Variants in SNX14 observed in about 807,000 individuals in gnomAD.
The protein encoded by SNX14 is sorting nexin 14.
In SNX14, 93 loss-of-function variants were observed where a neutral mutation model predicts 133.8. The observed-to-expected ratio is 0.70, with a 90% CI of 0.59 to 0.83. The LOEUF (loss-of-function observed/expected upper bound fraction) is 0.83. Among genes scored for constraint, SNX14 ranks in the 40% least tolerant of loss-of-function variants. The probability of loss-of-function intolerance (pLI) is 0.00; values close to 1 mark genes in which losing one functional copy is unlikely to be tolerated. For missense variants in SNX14, 945 were observed against 1,094.9 expected, an observed-to-expected ratio of 0.86 and a Z score of 1.93; for synonymous variants, 368 against 365.6, an observed-to-expected ratio of 1.01 and a Z score of -0.07.
At chr6:85,543,064 A>G (rs1374820968) in intron 14 of SNX14, 118 bp downstream of exon 14, 3 of 1,045,322 alleles carry the variant, frequency 2.9e-6, no homozygotes, top group South Asian at 2.5e-5. Flanking sequence ...AACTGTGCCC[A>G]GTAATCTTGT....
intron 19 of SNX14, among the ~76,000 whole-genome samples, chr6:85,528,722 A>G (rs1420243570): frequency 6.6e-6 from 1 of 152,196 alleles, no homozygotes; most frequent in Non-Finnish European, 1.5e-5. Context: ...TCTCACAGGG[A>G]AAAAAGATAG....
chr6:85,537,147 G>A (rs1782225478), intron 16 of SNX14: 4 of 358,992 alleles, frequency 1.1e-5, no homozygotes, highest in South Asian at 1.7e-4. Context: ...TGAATAAATG[G>A]GACAATATTT....
At chr6:85,508,385 GAAAAC>G (rs1184152925) in intron 26 of SNX14, 3 of 1,006,762 alleles carry the variant, frequency 3.0e-6, no homozygotes, top group Non-Finnish European at 3.6e-6. Context: ...CCCACTAAGG[GAAAAC>G]AAAACAAATT....
chr6:85,507,151 T>C (rs1770988781), intron 28 of SNX14, 82 bp downstream of exon 28: 6 of 1,239,428 alleles, frequency 4.8e-6, no homozygotes, highest in Non-Finnish European at 5.8e-6. Flanking sequence ...ACAAGGGTTT[T>C]CTTACATTTA....
intron 7 of SNX14, among the ~76,000 whole-genome samples, chr6:85,553,509 C>A (rs1285414058): frequency 3.9e-5 from 6 of 152,044 alleles, no homozygotes; most frequent in Admixed American, 3.3e-4. Context: ...TCAGGCCAGG[C>A]GCCCGTGGCT....
intron 1 of SNX14, among the ~76,000 whole-genome samples, chr6:85,580,939 G>A (rs1423093493): frequency 6.6e-6 from 1 of 152,144 alleles, no homozygotes; most frequent in East Asian, 1.9e-4. Context: ...CACCCTGAAG[G>A]GAAGGACACA....
chr6:85,583,644 A>G (rs1161249202), intron 1 of SNX14, among the ~76,000 whole-genome samples: 1 of 152,224 alleles, frequency 6.6e-6, no homozygotes, highest in African/African-American at 2.4e-5. Flanking sequence ...ACTCCCATTC[A>G]CAACTGCTAC....
chr6:85,552,592 A>T (rs1409598029), intron 7 of SNX14, among the ~76,000 whole-genome samples: 1 of 152,202 alleles, frequency 6.6e-6, no homozygotes, highest in Admixed American at 6.5e-5. Flanking sequence ...AGAAAATAAT[A>T]ACATAAACAA....
intron 4 of SNX14, chr6:85,568,110 C>T: frequency 6.6e-6 from 1 of 151,976 alleles, no homozygotes; most frequent in Non-Finnish European, 1.5e-5. Context: ...ATAAAAATTC[C>T]ACAAATAGAA....
chr6:85,581,626 T>C (rs572861916), intron 1 of SNX14: 2 of 152,298 alleles, frequency 1.3e-5, no homozygotes, highest in South Asian at 4.1e-4. Flanking sequence ...TAAAGAATCC[T>C]ATCAGATAAA....
chr6:85,549,869 T>C lies in SNX14; in HGVS notation c.645A>G (p.Thr215=), dbSNP rs150079470. The C allele has an allele frequency of 1.2e-6, 2 of 1,603,536 alleles. No individual in the cohort carries two copies. The highest frequency in any genetic ancestry group is 1.1e-5 in the South Asian group (1 of 88,714). The part of the protein sequence containing the change: ...IVKARQKVKN[T]EFLQQAALEE... ...CTAAAGCAGCTTGCTGTAAAAACTC[T>C]GTATTTTTTACTATAGAGATTAAAG... The change falls in exon 8 of 29, where the codon ACA becomes ACG. Residue 215 remains threonine, a synonymous_variant. Transcript: ENST00000314673.
intron 26 of SNX14, among the ~76,000 whole-genome samples, chr6:85,513,248 A>T (rs1295659278): frequency 6.6e-6 from 1 of 152,046 alleles, no homozygotes; most frequent in Non-Finnish European, 1.5e-5. Flanking sequence ...AGTGGCCCAA[A>T]CCTACCAACT....
At chr6:85,534,413 C>T (rs529667827) in intron 17 of SNX14, among the ~76,000 whole-genome samples, 13 of 152,226 alleles carry the variant, frequency 8.5e-5, no homozygotes, top group African/African-American at 1.2e-4. Context: ...CAAGGTCCCA[C>T]GGCTTAGAAC....
chr6:85,552,921 C>T (rs551117941), intron 7 of SNX14, among the ~76,000 whole-genome samples: 97 of 152,326 alleles, frequency 6.4e-4, no homozygotes, highest in Non-Finnish European at 1.0e-3. Flanking sequence ...TCTTTGAATC[C>T]ACCTGTCACT....
At chr6:85,550,416 C>T (rs1031436155) in intron 7 of SNX14, among the ~76,000 whole-genome samples, 1 of 152,206 alleles carries the variant, frequency 6.6e-6, no homozygotes, top group Non-Finnish European at 1.5e-5. Context: ...ACTTCTAGCA[C>T]ACATAAGGCT....
At chr6:85,573,031 C>T (rs921862371) in intron 2 of SNX14, among the ~76,000 whole-genome samples, 1 of 152,168 alleles carries the variant, frequency 6.6e-6, no homozygotes, top group Non-Finnish European at 1.5e-5. Flanking sequence ...TCTCTTTCTC[C>T]AAAATCTTGA....
rs1312336872 is a variant in SNX14 at position 85,593,773 on chromosome 6, AC to A, written c.-56del. On this transcript the variant is annotated 5_prime_UTR_variant, in exon 1 of 29. The change abolishes the stop of an existing upstream ORF in the 5' untranslated region. Transcript: ENST00000314673. ...ACTGGCTGAGGCAGAGGTCAAGGCG[AC>A]CCCCCATCCACACCTCGCGTCCCCG... The A allele has an allele frequency of 1.6e-5, 24 of 1,513,588 alleles. No homozygotes were observed. The South Asian group carries it at 2.3e-4, about 15-fold the overall frequency. 93.8% of individuals were successfully genotyped at this position (1,513,588 alleles called of 1,614,324 possible).
chr6:85,553,286 T>G (rs545023991), intron 7 of SNX14, among the ~76,000 whole-genome samples: 1 of 152,148 alleles, frequency 6.6e-6, no homozygotes, highest in African/African-American at 2.4e-5. Context: ...AAGAACATAG[T>G]TTTTATAAAA....
chr6:85,570,515 C>T (rs956509635), intron 4 of SNX14, among the ~76,000 whole-genome samples: 1 of 151,848 alleles, frequency 6.6e-6, no homozygotes, highest in Non-Finnish European at 1.5e-5. Context: ...TTATTTAACC[C>T]AACACATCCA....
Sources: allele counts gnomAD v4.1 joint callset (sites outside exome capture counted in the v4.1 genomes callset), GRCh38; gene constraint gnomAD v4.1.1; transcripts MANE v1.5; gene names NCBI Gene and HGNC (gene_info 2026-07-23, HGNC 2026-07-21).